Variants in PRSS12 observed in about 807,000 individuals in gnomAD.
The protein encoded by PRSS12 is neurotrypsin.
A neutral mutation model predicts 104.4 loss-of-function variants in PRSS12; 85 were observed. That is an observed-to-expected ratio of 0.81 (90% confidence interval 0.68 to 0.98). PRSS12 has a LOEUF of 0.98. Among genes scored for constraint, PRSS12 ranks in the 50% least tolerant of loss-of-function variants. The pLI, the probability that PRSS12 is intolerant of heterozygous loss-of-function variation, is 0.00. For missense variants in PRSS12, 1,141 were observed against 1,139.2 expected (o/e 1.00, Z -0.02); for synonymous variants, 454 against 425.2 (o/e 1.07, Z -0.83).
chr4:118,330,655 A>G (rs556322576), intron 4 of PRSS12, among the ~76,000 whole-genome samples: 20 of 152,346 alleles, frequency 1.3e-4, no homozygotes, highest in African/African-American at 4.1e-4. Context: ...GAAAATTTGA[A>G]TAAGATGAAG....
intron 11 of PRSS12, among the ~76,000 whole-genome samples, chr4:118,291,963 G>C (rs913153512): frequency 6.6e-6 from 1 of 151,996 alleles, no homozygotes; most frequent in Non-Finnish European, 1.5e-5. Flanking sequence ...TGCCAGGTGA[G>C]GGGAGGGAAC....
chr4:118,334,818 T>C (rs1724020936), intron 3 of PRSS12, among the ~76,000 whole-genome samples: 1 of 152,214 alleles, frequency 6.6e-6, no homozygotes, highest in Non-Finnish European at 1.5e-5. Context: ...GAGAGTATGG[T>C]GGCTTCAGGT....
intron 1 of PRSS12, among the ~76,000 whole-genome samples, chr4:118,350,358 G>A (rs1269093550): frequency 1.3e-5 from 2 of 152,196 alleles, no homozygotes; most frequent in Non-Finnish European, 2.9e-5. Context: ...AGGACCAAGA[G>A]AGCCGTAACG....
At position 118,352,709 on chromosome 4, in the gene PRSS12, G is replaced by A; in HGVS notation, c.12C>T (p.Ala4=). ...CTAACATCAGGGCTAGCACGAAGCGGGCGAGCGTCATGGTGCCAGCGCTGC... is the reference window on the plus strand; with the variant it reads ...CTAACATCAGGGCTAGCACGAAGCGAGCGAGCGTCATGGTGCCAGCGCTGC... MTL[A]RFVLALMLGA... is the part of the protein sequence containing the mutation. Residue 4 remains alanine, a synonymous_variant, in exon 1 of 13, where the codon GCC becomes GCT. Transcript: ENST00000296498. The A allele has an allele frequency of 6.2e-7, 1 of 1,613,014 alleles. No individual in the cohort carries two copies. Among genetic ancestry groups the A allele is most frequent in the Middle Eastern group, 1.7e-4 (1 of 6,058 alleles).
intron 6 of PRSS12, among the ~76,000 whole-genome samples, chr4:118,314,428 A>G (rs1406305070): frequency 2.0e-5 from 3 of 152,112 alleles, no homozygotes; most frequent in African/African-American, 7.2e-5. Context: ...TGACTAATCA[A>G]CCCTTGGCTA....
chr4:118,295,075 G>A lies in PRSS12; in HGVS notation c.1917-14C>T, dbSNP rs758278960. 10 of 1,613,424 alleles carry A rather than the reference G, an allele frequency of 6.2e-6. No homozygotes were observed. The African/African-American group carries it at 9.3e-5, about 15-fold the overall frequency. ...GGCCAACCACCCCTAAGAAGAAAAT[G>A]AGCTACACATCAACGTCAGTAAAAG... On this transcript the variant is annotated splice_polypyrimidine_tract_variant and intron_variant, in intron 10 of 12. Transcript: ENST00000296498.
In PRSS12 at chr4:118,335,582, G is replaced by A. The variant is rs1175234049; in HGVS notation, c.711C>T (p.Val237=). 12 of 1,613,888 alleles carry A rather than the reference G, an allele frequency of 7.4e-6. No homozygotes were observed. Among genetic ancestry groups the A allele is most frequent in the Non-Finnish European group, 6.8e-6 (8 of 1,179,966 alleles). ...LGLIPIYWSN[V]RCRGDEENIL... ...TATTTTCTTCATCTCCTCGGCAACG[G>A]ACATTGCTCCAATAAATGGGAATAA... Residue 237 remains valine, a synonymous_variant, in exon 3 of 13, where the codon GTC becomes GTT. Transcript: ENST00000296498.
rs150582003 is a variant in PRSS12, at chr4:118,337,345, C to T, written c.641+831G>A. ...GCCAAGAAAAAACATATGTTAAGTG[C>T]GCTTAGAAAATATAAAGGAGACACA... On this transcript the variant is annotated intron_variant, in intron 2 of 12. Transcript: ENST00000296498. 8.9e-4 allele frequency among the ~76,000 whole-genome samples: 135 copies of T among 151,890 alleles called. 3 individuals are homozygous for T. The East Asian group carries it at 0.024, about 27-fold the overall frequency.
chr4:118,322,316 G>A (rs1560778200), intron 4 of PRSS12, among the ~76,000 whole-genome samples: 1 of 152,234 alleles, frequency 6.6e-6, no homozygotes, highest in Non-Finnish European at 1.5e-5. Flanking sequence ...TTGGGAGGCC[G>A]AGGCAGGTGG....
intron 12 of PRSS12, among the ~76,000 whole-genome samples, 188 bp downstream of exon 12, chr4:118,282,643 A>G (rs1742912402): frequency 6.6e-6 from 1 of 152,246 alleles, no homozygotes. Context: ...AGTTTATGCT[A>G]AAGTTCTCAT....
rs973842929 is a variant in PRSS12 at position 118,347,275 on chromosome 4, CG to C, written c.502+4943del. Among the ~76,000 whole-genome samples the C allele has an allele frequency of 4.6e-5, 7 of 152,226 alleles. No individual in the cohort carries two copies. The East Asian group carries it at 1.4e-3, about 29-fold the overall frequency. On this transcript the variant is annotated intron_variant, in intron 1 of 12. Transcript: ENST00000296498. ...ACCAAGATGTAGCCCTTAAAAGTGG[CG>C]GGGGACAGCTTTCAGCTAACTTTTT...
At chr4:118,322,745 G>A (rs1011376370) in intron 4 of PRSS12, among the ~76,000 whole-genome samples, 1 of 151,916 alleles carries the variant, frequency 6.6e-6, no homozygotes. Flanking sequence ...TTGGAGTTGT[G>A]TGCCTGAGAC....
intron 11 of PRSS12, among the ~76,000 whole-genome samples, chr4:118,286,585 T>C (rs925547934): frequency 6.6e-6 from 1 of 152,186 alleles, no homozygotes; most frequent in Non-Finnish European, 1.5e-5. Context: ...ATGATCACTA[T>C]TGTATCCTTA....
chr4:118,307,960 A>G (rs1363274213), intron 8 of PRSS12, among the ~76,000 whole-genome samples: 1 of 152,186 alleles, frequency 6.6e-6, no homozygotes, highest in Non-Finnish European at 1.5e-5. Context: ...CAAGTATGAA[A>G]GCTGAAACAA....
chr4:118,320,190 G>A (rs1723570962), intron 4 of PRSS12, among the ~76,000 whole-genome samples: 1 of 151,928 alleles, frequency 6.6e-6, no homozygotes, highest in Admixed American at 6.6e-5. Flanking sequence ...TTTTTAGTTT[G>A]TTTTTCAATG....
intron 4 of PRSS12, among the ~76,000 whole-genome samples, chr4:118,318,850 C>T (rs1723524995): frequency 6.6e-6 from 1 of 152,130 alleles, no homozygotes; most frequent in Non-Finnish European, 1.5e-5. Flanking sequence ...ATTAAAATCA[C>T]ATTTTGGCCT....
chr4:118,336,205 G>C (rs1372980553), intron 2 of PRSS12, among the ~76,000 whole-genome samples: 1 of 152,094 alleles, frequency 6.6e-6, no homozygotes, highest in Non-Finnish European at 1.5e-5. Context: ...ACCTTACACT[G>C]TATATAGTAT....
intron 1 of PRSS12, among the ~76,000 whole-genome samples, chr4:118,343,158 G>A (rs1015620501): frequency 6.6e-6 from 1 of 152,118 alleles, no homozygotes; most frequent in Admixed American, 6.6e-5. Flanking sequence ...GGAGGCCAAG[G>A]CAGGAGGACT....
intron 4 of PRSS12, among the ~76,000 whole-genome samples, chr4:118,320,548 TTG>T (rs1179474056): frequency 6.6e-6 from 1 of 152,034 alleles, no homozygotes; most frequent in Admixed American, 6.6e-5. Context: ...GCTCAGGAGT[TTG>T]AGATCAACCT....
Sources: gnomAD v4.1 joint callset for allele counts (sites outside exome capture counted in the v4.1 genomes callset) on GRCh38, gnomAD v4.1.1 for gene constraint, MANE v1.5 for transcripts, NCBI Gene and HGNC (gene_info 2026-07-23, HGNC 2026-07-21) for gene names.